The following WDPCP variants were observed in gnomAD, a reference collection of about 807,000 sequenced individuals.
The protein encoded by WDPCP is WD repeat containing planar cell polarity effector.
A neutral mutation model predicts 93.1 loss-of-function variants in WDPCP; 71 were observed. The observed-to-expected ratio is 0.76, with a 90% CI of 0.63 to 0.93. The LOEUF (loss-of-function observed/expected upper bound fraction) is 0.93, where lower values mean the gene tolerates loss of function less well. Ranked by LOEUF, WDPCP falls within the 40% of genes least tolerant of loss-of-function variation. The probability of loss-of-function intolerance (pLI) is 0.00; values close to 1 mark genes in which losing one functional copy is unlikely to be tolerated. For synonymous variants in WDPCP, 315 were observed against 315.0 expected (o/e 1.00, Z 0.00); for missense variants, 844 against 887.4 (o/e 0.95, Z 0.62).
At chr2:63,127,692 TATAC>T (rs1466307820) in intron 17 of WDPCP, among the ~76,000 whole-genome samples, 3 of 134,458 alleles carry the variant, frequency 2.2e-5, no homozygotes, top group Non-Finnish European at 3.3e-5. Flanking sequence ...TATATATATA[TATAC>T]GCACACACAC....
At chr2:63,452,678 C>A (rs1485377254) in intron 6 of WDPCP, among the ~76,000 whole-genome samples, 1 of 152,218 alleles carries the variant, frequency 6.6e-6, no homozygotes, top group East Asian at 1.9e-4. Context: ...CATCACGCTA[C>A]CTGACTTCAA....
chr2:63,670,646 G>C (rs1257444675), intron 2 of WDPCP, among the ~76,000 whole-genome samples: 1 of 152,136 alleles, frequency 6.6e-6, no homozygotes, highest in African/African-American at 2.4e-5. Flanking sequence ...GAGGAAGAGA[G>C]AAAATGAGAT....
chr2:63,788,349 A>G (rs1011092036), intron 2 of WDPCP, among the ~76,000 whole-genome samples: 4 of 152,222 alleles, frequency 2.6e-5, no homozygotes, highest in Non-Finnish European at 4.4e-5. Context: ...AGTCTACTCA[A>G]CAGATATAAC....
intron 3 of WDPCP, among the ~76,000 whole-genome samples, chr2:63,622,995 G>C (rs1172125055): frequency 6.6e-6 from 1 of 152,232 alleles, no homozygotes; most frequent in Non-Finnish European, 1.5e-5. Flanking sequence ...GCCGCCATGA[G>C]TTGTCCGACC....
intron 13 of WDPCP, among the ~76,000 whole-genome samples, chr2:63,280,792 T>G (rs1164821920): frequency 6.6e-6 from 1 of 152,178 alleles, no homozygotes; most frequent in Non-Finnish European, 1.5e-5. Context: ...AAAATGAAAC[T>G]GGATTATCAT....
chr2:63,136,227 A>G (rs1363042772), intron 17 of WDPCP, among the ~76,000 whole-genome samples: 2 of 152,226 alleles, frequency 1.3e-5, no homozygotes, highest in African/African-American at 4.8e-5. Context: ...TCTTAGAATT[A>G]AAGTTTATAA....
At chr2:63,629,483 AATGAGGCACTCCTCTCCCACCTAC>A (rs1399149535) in intron 3 of WDPCP, among the ~76,000 whole-genome samples, 1 of 152,204 alleles carries the variant, frequency 6.6e-6, no homozygotes, top group Non-Finnish European at 1.5e-5. Flanking sequence ...ACTCGGTATT[AATGAGGCACTCCTCTCCCACCTAC>A]ATGCTATGTG....
At chr2:63,829,881 G>A (rs768360425), upstream of WDPCP, among the ~76,000 whole-genome samples, 11 of 152,042 alleles carry the variant, frequency 7.2e-5, no homozygotes, top group East Asian at 1.9e-4. Context: ...ATGAATGGAC[G>A]TGTGGGAAGA....
intron 3 of WDPCP, chr2:63,594,207 A>G: frequency 1.9e-6 from 1 of 539,500 alleles, no homozygotes; most frequent in Non-Finnish European, 3.7e-6. Flanking sequence ...TGAACACATC[A>G]ACATTGTTGA....
At chr2:63,747,936 G>A (rs1669822939) in intron 2 of WDPCP, among the ~76,000 whole-genome samples, 2 of 151,908 alleles carry the variant, frequency 1.3e-5, no homozygotes, top group African/African-American at 4.8e-5. Flanking sequence ...TATTCTGTTA[G>A]ATTAATACAT....
chr2:63,838,934 A>C, the WDPCP span, among the ~76,000 whole-genome samples: 3 of 152,186 alleles, frequency 2.0e-5, no homozygotes, highest in African/African-American at 7.2e-5. Context: ...ATTTATACCG[A>C]TGTATAAAGA....
chr2:63,493,948 T>C (rs1701049971), intron 1 of WDPCP, among the ~76,000 whole-genome samples: 2 of 152,188 alleles, frequency 1.3e-5, no homozygotes, highest in Admixed American at 6.5e-5. Flanking sequence ...ATCCTTCAGC[T>C]TCTTTAACAT....
chr2:63,144,023 C>T (rs1451959807), intron 17 of WDPCP, among the ~76,000 whole-genome samples: 2 of 152,134 alleles, frequency 1.3e-5, no homozygotes, highest in Non-Finnish European at 2.9e-5. Context: ...TGATTATTCC[C>T]CCAGATATGT....
chr2:63,682,470 T>C (rs567335694), intron 2 of WDPCP, among the ~76,000 whole-genome samples: 7 of 151,656 alleles, frequency 4.6e-5, no homozygotes, highest in Non-Finnish European at 8.8e-5. Flanking sequence ...GATGGGTTAT[T>C]TGAAAATACA....
chr2:63,207,168 C>A (rs1387874982), intron 14 of WDPCP, among the ~76,000 whole-genome samples: 2 of 152,170 alleles, frequency 1.3e-5, no homozygotes, highest in African/African-American at 4.8e-5. Context: ...TGTCTCAAGT[C>A]ATGTTGGCTG....
chr2:63,359,181 A>G (rs925243875), intron 12 of WDPCP, among the ~76,000 whole-genome samples: 4 of 152,094 alleles, frequency 2.6e-5, no homozygotes, highest in African/African-American at 9.7e-5. Flanking sequence ...GAGTCTTACC[A>G]TAATCCAATC....
At chr2:63,777,245 T>C (rs1670317824) in intron 2 of WDPCP, among the ~76,000 whole-genome samples, 1 of 152,146 alleles carries the variant, frequency 6.6e-6, no homozygotes, top group Non-Finnish European at 1.5e-5. Context: ...ATTAAAACTT[T>C]TAAAAAACCA....
chr2:63,277,696 G>C (rs1295921338), intron 13 of WDPCP, among the ~76,000 whole-genome samples: 1 of 152,134 alleles, frequency 6.6e-6, no homozygotes, highest in African/African-American at 2.4e-5. Flanking sequence ...AGTCCAACAG[G>C]AAAATACCAC....
chr2:63,130,019 T>C (rs1426071358), intron 17 of WDPCP, among the ~76,000 whole-genome samples: 1 of 152,224 alleles, frequency 6.6e-6, no homozygotes, highest in African/African-American at 2.4e-5. Flanking sequence ...GAGGAACTCA[T>C]GGATACAGAG....
Sources: allele counts gnomAD v4.1 joint callset (sites outside exome capture counted in the v4.1 genomes callset), GRCh38; gene constraint gnomAD v4.1.1; transcripts MANE v1.5; gene names NCBI Gene and HGNC (gene_info 2026-07-23, HGNC 2026-07-21).